SNX14: variants seen among roughly 807,000 people sequenced by gnomAD.
The protein encoded by SNX14 is sorting nexin 14, also known as sorting nexin-14.
In SNX14, 93 loss-of-function variants were observed where a neutral mutation model predicts 133.8. The observed-to-expected ratio is 0.70, with a 90% CI of 0.59 to 0.83. The LOEUF (loss-of-function observed/expected upper bound fraction) is 0.83. SNX14 is among the 40% of genes least tolerant of loss of function. The pLI is 0.00. For missense variants in SNX14, 945 were observed against 1,094.9 expected, an observed-to-expected ratio of 0.86 and a Z score of 1.93; for synonymous variants, 368 against 365.6, an observed-to-expected ratio of 1.01 and a Z score of -0.07.
intron 21 of SNX14, among the ~76,000 whole-genome samples, chr6:85,521,517 T>C (rs1027586134): frequency 6.6e-6 from 1 of 152,156 alleles, no homozygotes; most frequent in Non-Finnish European, 1.5e-5. Context: ...GAATTTGCAA[T>C]ATTTGCAAAT....
intron 19 of SNX14, among the ~76,000 whole-genome samples, 174 bp downstream of exon 19, chr6:85,530,018 A>G (rs1315285709): frequency 6.6e-6 from 1 of 152,214 alleles, no homozygotes; most frequent in African/African-American, 2.4e-5. Flanking sequence ...AAATATACAG[A>G]TAAATAAAAA....
intron 5 of SNX14, among the ~76,000 whole-genome samples, chr6:85,567,153 T>C (rs1484613259): frequency 6.6e-6 from 1 of 152,232 alleles, no homozygotes; most frequent in Non-Finnish European, 1.5e-5. Context: ...TTCTACAAGT[T>C]ACTTTTCTTT....
At chr6:85,545,162 A>G (rs1437187348) in intron 12 of SNX14, among the ~76,000 whole-genome samples, 1 of 152,204 alleles carries the variant, frequency 6.6e-6, no homozygotes, top group Non-Finnish European at 1.5e-5. Context: ...TCAATCAAAA[A>G]AGTAACAGAA....
chr6:85,508,412 T>A (rs1771521513), intron 26 of SNX14: 1 of 988,626 alleles, frequency 1.0e-6, no homozygotes, highest in African/African-American at 1.7e-5. Flanking sequence ...AACCCTAAAA[T>A]GATGTTTGTA....
intron 7 of SNX14, among the ~76,000 whole-genome samples, chr6:85,556,456 A>G (rs530977061): frequency 3.4e-5 from 5 of 147,314 alleles, no homozygotes; most frequent in African/African-American, 1.0e-4. Context: ...GCGTACTCAA[A>G]CTCTTTCACA....
intron 18 of SNX14, among the ~76,000 whole-genome samples, chr6:85,533,363 G>T (rs988361993): frequency 6.6e-5 from 10 of 152,218 alleles, no homozygotes; most frequent in African/African-American, 2.4e-4. Flanking sequence ...CTGATGGACT[G>T]TCAGGTGTCT....
chr6:85,587,177 C>T (rs1801160552), intron 1 of SNX14, among the ~76,000 whole-genome samples: 1 of 151,268 alleles, frequency 6.6e-6, no homozygotes, highest in African/African-American at 2.4e-5. Context: ...ACCTCACCCA[C>T]TCTATAAGAC....
intron 19 of SNX14, among the ~76,000 whole-genome samples, chr6:85,529,126 G>T (rs1261850557): frequency 6.6e-6 from 1 of 151,992 alleles, no homozygotes; most frequent in African/African-American, 2.4e-5. Context: ...TAGGTGTGGT[G>T]GCACATGCCT....
rs1442997418 is a variant in SNX14, at chr6:85,516,262, ATGTAAACAATATTTTAAT to A, written c.2268+1476_2268+1493del. Among the ~76,000 whole-genome samples, 414 of 152,284 alleles carry A rather than the reference ATGTAAACAATATTTTAAT, an allele frequency of 2.7e-3. 6 individuals carry two copies. The Middle Eastern group carries it at 0.038, about 14-fold the overall frequency. ...TCATGTTGTTTCCAATTTTTCACTT[ATGTAAACAATATTTTAAT>A]AAACACCTTTACATGTTATAAGCTC... On this transcript the variant is annotated intron_variant, in intron 23 of 28. Coordinates refer to ENST00000314673, the MANE Select transcript of SNX14 (RefSeq NM_153816.6).
intron 26 of SNX14, among the ~76,000 whole-genome samples, chr6:85,513,046 T>C (rs1582479387): frequency 6.6e-6 from 1 of 152,244 alleles, no homozygotes; most frequent in East Asian, 1.9e-4. Flanking sequence ...TCTACTAATC[T>C]ATCCTATACC....
chr6:85,572,621 CA>C (rs1407792407), intron 2 of SNX14, among the ~76,000 whole-genome samples: 1 of 152,068 alleles, frequency 6.6e-6, no homozygotes, highest in African/African-American at 2.4e-5. Flanking sequence ...AAGTTAAAAT[CA>C]ATTGTTATGA....
chr6:85,529,314 G>A (rs1294518997), intron 19 of SNX14, among the ~76,000 whole-genome samples: 2 of 150,526 alleles, frequency 1.3e-5, no homozygotes, highest in Non-Finnish European at 3.0e-5. Context: ...AGGAAACAAG[G>A]AAACGAAGAA....
chr6:85,519,910 C>A (rs951097113), intron 21 of SNX14, among the ~76,000 whole-genome samples: 2 of 152,034 alleles, frequency 1.3e-5, no homozygotes, highest in African/African-American at 2.4e-5. Flanking sequence ...TATGATTGTG[C>A]CACTGCACTC....
Position 85,547,213 on chromosome 6 carries a change from T to C in SNX14, c.1007A>G (p.Glu336Gly). 1 of 1,614,070 alleles carries C rather than the reference T, an allele frequency of 6.2e-7. No homozygotes were observed. Among genetic ancestry groups the C allele is most frequent in the South Asian group, 1.1e-5 (1 of 91,076 alleles). Reference sequence around the variant, plus strand: ...TTGTTGCTCTCTGATTTGCTTCAATTCTAACTTCAGCACCTTGATATAAGA... The same window carrying C: ...TTGTTGCTCTCTGATTTGCTTCAATCCTAACTTCAGCACCTTGATATAAGA... ...RNKKPSVLKL[E>G]LKQIREQQDL... is the part of the protein sequence containing the mutation. The change falls in exon 12 of 29, where the codon GAA becomes GGA. Residue 336 changes from glutamate to glycine, a missense_variant. Coordinates refer to ENST00000314673, the MANE Select transcript of SNX14 (RefSeq NM_153816.6).
Position 85,537,820 on chromosome 6 carries a change from G to T in SNX14, c.1476-896C>A, listed in dbSNP as rs1782417974. On this transcript the variant is annotated intron_variant, in intron 16 of 28. Coordinates refer to ENST00000314673, the MANE Select transcript of SNX14 (RefSeq NM_153816.6). Reference sequence around the variant, plus strand: ...AAAAATTAGCCGGGCGAGGTGGCAGGCACCTGTAATCCCAGCTACTAGGAA... The same window carrying T: ...AAAAATTAGCCGGGCGAGGTGGCAGTCACCTGTAATCCCAGCTACTAGGAA... 2.0e-5 allele frequency among the ~76,000 whole-genome samples: 3 copies of T among 152,194 alleles called. No homozygotes were observed. In the South Asian group the frequency reaches 6.2e-4, roughly 32 times the overall value.
At chr6:85,511,352 C>T (rs1033840985) in intron 26 of SNX14, among the ~76,000 whole-genome samples, 1 of 152,168 alleles carries the variant, frequency 6.6e-6, no homozygotes. Context: ...ATCATGTCAT[C>T]TGTGAACAAA....
At chr6:85,538,197 T>C (rs1337623638) in intron 16 of SNX14, among the ~76,000 whole-genome samples, 1 of 152,098 alleles carries the variant, frequency 6.6e-6, no homozygotes. Flanking sequence ...GGAAAAACAC[T>C]AATAATAAGT....
Position 85,505,975 on chromosome 6 carries a change from A to C in SNX14, c.2833T>G (p.Trp945Gly). The change falls in exon 29 of 29, where the codon TGG becomes GGG. Residue 945 changes from tryptophan to glycine, a missense_variant. Coordinates refer to ENST00000314673, the MANE Select transcript of SNX14 (RefSeq NM_153816.6). ...ATACCAAATCCAAGTGTTTACATCC[A>C]AGATGTCACAGAGGTAACTTCCTTT... The part of the protein sequence containing the change: ...VQKEVTSVTS[W>G]M 7.5e-6 allele frequency: 12 copies of C among 1,601,374 alleles called. No homozygotes were observed. Among genetic ancestry groups the C allele is most frequent in the Non-Finnish European group, 1.0e-5 (12 of 1,168,822 alleles).
intron 1 of SNX14, among the ~76,000 whole-genome samples, chr6:85,579,677 CA>C (rs1798451467): frequency 6.6e-6 from 1 of 152,180 alleles, no homozygotes; most frequent in South Asian, 2.1e-4. Context: ...AGCCGATGCC[CA>C]AAAAGAGGTC....
Sources: allele counts gnomAD v4.1 joint callset (sites outside exome capture counted in the v4.1 genomes callset), GRCh38; gene constraint gnomAD v4.1.1; transcripts MANE v1.5; gene names NCBI Gene and HGNC (gene_info 2026-07-23, HGNC 2026-07-21).